The following CUX2 variants were observed in gnomAD, a reference collection of about 807,000 sequenced individuals.
The protein encoded by CUX2 is cut like homeobox 2, also known as homeobox protein cut-like 2.
In CUX2, 40 loss-of-function variants were observed where a neutral mutation model predicts 144.8. The observed-to-expected ratio is 0.28, with a 90% CI of 0.21 to 0.36. CUX2 has a LOEUF of 0.36. CUX2 is among the 10% of genes least tolerant of loss of function. The pLI is 1.00. For synonymous variants in CUX2, 827 were observed against 875.6 expected (o/e 0.94, Z 0.98); for missense variants, 1,615 against 1,994.0 (o/e 0.81, Z 3.62).
intron 7 of CUX2, 81 bp from the exon 8 acceptor site, chr12:111,296,392 G>T: frequency 1.1e-5 from 14 of 1,277,092 alleles, no homozygotes; most frequent in Non-Finnish European, 1.4e-5. Flanking sequence ...CTTCGCAGAA[G>T]GAGTGGGCTC....
chr12:111,348,142 C>A lies in CUX2; in HGVS notation c.4278C>A (p.Gly1426=). The change falls in exon 22 of 22, where the codon GGC becomes GGA. Residue 1426 remains glycine, a synonymous_variant. Coordinates refer to ENST00000261726, the MANE Select transcript of CUX2 (RefSeq NM_015267.4). ...CTCCCATCTCCCCATCCCCACCTGG[C>A]GCCCCCCCTGCCAAAGTGCCGAGTG... ...SSAPISPSPP[G]APPAKVPSAS... is the part of the protein sequence containing the mutation. The A allele has an allele frequency of 6.2e-7, 1 of 1,614,068 alleles. No homozygotes were observed. The highest frequency in any genetic ancestry group is 1.1e-5 in the South Asian group (1 of 91,078).
chr12:111,036,703 G>A (rs958951402), intron 1 of CUX2, among the ~76,000 whole-genome samples: 2 of 146,880 alleles, frequency 1.4e-5, no homozygotes, highest in African/African-American at 2.5e-5. Context: ...GGGAAGGGGG[G>A]TAAACTCATT....
chr12:111,142,727 G>A (rs972857111), intron 1 of CUX2, among the ~76,000 whole-genome samples: 1 of 152,162 alleles, frequency 6.6e-6, no homozygotes, highest in Non-Finnish European at 1.5e-5. Context: ...CTCCCGGCTT[G>A]TAATTTGCTG....
chr12:111,269,192 G>C (rs994834461), intron 4 of CUX2, among the ~76,000 whole-genome samples: 1 of 152,158 alleles, frequency 6.6e-6, no homozygotes, highest in Non-Finnish European at 1.5e-5. Flanking sequence ...TATGTGTCCA[G>C]CTTTCCTAGG....
chr12:111,067,452 G>T (rs1871068002), intron 1 of CUX2, among the ~76,000 whole-genome samples: 1 of 152,194 alleles, frequency 6.6e-6, no homozygotes, highest in Admixed American at 6.5e-5. Flanking sequence ...GAGGCTAAGA[G>T]ACAGAGTCCT....
chr12:111,270,772 T>G (rs993099883), intron 4 of CUX2: 2 of 152,194 alleles, frequency 1.3e-5, no homozygotes, highest in Admixed American at 6.5e-5. Flanking sequence ...ACAAATCTGA[T>G]GCAGATTTGC....
chr12:111,251,487 C>T (rs1446014706), intron 3 of CUX2, among the ~76,000 whole-genome samples: 1 of 152,276 alleles, frequency 6.6e-6, no homozygotes, highest in East Asian at 1.9e-4. Flanking sequence ...TAATAGCAGG[C>T]CTGCCAGCCA....
In CUX2 at chr12:111,044,481, T is replaced by C. The variant is rs11837043; in HGVS notation, c.63+10241T>C. 6.9e-3 allele frequency among the ~76,000 whole-genome samples: 1,057 copies of C among 152,212 alleles called. 12 individuals are homozygous for C. Among genetic ancestry groups the C allele is most frequent in the African/African-American group, 0.024 (991 of 41,530 alleles). On this transcript the variant is annotated intron_variant, in intron 1 of 21. Transcript: ENST00000261726. The stretch of plus-strand genomic sequence containing the variant: ...AGCTTCAGGGTTTTGGCACTTACTG[T>C]TCCCTCTCTCTGAGACAATTTCCAA...
rs373434399 is a variant in CUX2 at position 111,034,279 on chromosome 12, C to A, written c.63+39C>A. On this transcript the variant is annotated intron_variant, in intron 1 of 21. Transcript: ENST00000261726. This position sits in a 1 kb window ranked among gnomAD's most constrained non-coding sequence, Gnocchi z 4.2. ...GCGCCGGCCGCGCGGCCGTGAGGAG[C>A]CCCCGGGCGCGCCCTGGGCGCATTG... The A allele has an allele frequency of 1.6e-6, 2 of 1,270,764 alleles. No individual in the cohort carries two copies. The highest frequency in any genetic ancestry group is 1.4e-5 in the South Asian group (1 of 71,964). 78.7% of individuals were successfully genotyped at this position (1,270,764 alleles called of 1,614,324 possible).
chr12:111,209,943 G>A (rs901078541), intron 1 of CUX2, among the ~76,000 whole-genome samples: 2 of 151,940 alleles, frequency 1.3e-5, no homozygotes, highest in African/African-American at 2.4e-5. Flanking sequence ...GCCGGGCTCC[G>A]GGCTGTCTGT....
chr12:111,152,164 G>A (rs1361470595), intron 1 of CUX2, among the ~76,000 whole-genome samples: 2 of 152,044 alleles, frequency 1.3e-5, no homozygotes, highest in Non-Finnish European at 2.9e-5. Context: ...CATGCCTGTA[G>A]TTCCAGCTAC....
intron 1 of CUX2, among the ~76,000 whole-genome samples, chr12:111,187,706 T>C (rs1414975161): frequency 1.3e-5 from 2 of 152,212 alleles, no homozygotes; most frequent in African/African-American, 2.4e-5. Context: ...GAGTGGCATC[T>C]GTCCATGCAG....
rs533126492 is a variant in CUX2 at position 111,209,258 on chromosome 12, G to A, written c.64-4942G>A. Among the ~76,000 whole-genome samples the A allele has an allele frequency of 4.6e-3, 694 of 152,274 alleles. 3 individuals are homozygous for A. The highest frequency in any genetic ancestry group is 6.4e-3 in the Non-Finnish European group (438 of 68,018). On this transcript the variant is annotated intron_variant, in intron 1 of 21. Transcript: ENST00000261726. Reference sequence around the variant, plus strand: ...TACAAAAAATAAAAACTAGCCTGGCGTGGTAGCACATGCCTGTAGTCCCAG... The same window carrying A: ...TACAAAAAATAAAAACTAGCCTGGCATGGTAGCACATGCCTGTAGTCCCAG...
chr12:111,143,807 G>A (rs1876489258), intron 1 of CUX2, among the ~76,000 whole-genome samples: 1 of 152,202 alleles, frequency 6.6e-6, no homozygotes, highest in South Asian at 2.1e-4. Context: ...GGTGTGTGGG[G>A]GGGTTTTTTT....
intron 4 of CUX2, among the ~76,000 whole-genome samples, chr12:111,283,003 A>G (rs1220839359): frequency 1.3e-5 from 2 of 152,052 alleles, no homozygotes; most frequent in Non-Finnish European, 2.9e-5. Flanking sequence ...ACTTGAGGTC[A>G]GGAGTTAGAC....
Position 111,347,558 on chromosome 12 carries a change from A to C in CUX2, c.3694A>C (p.Thr1232Pro). Reference sequence around the variant, plus strand: ...GCGCCGGGAGATGTTGGTGGAGGGGACCCAGGATGAGCCAGACCTTGATCC... The same window carrying C: ...GCGCCGGGAGATGTTGGTGGAGGGGCCCCAGGATGAGCCAGACCTTGATCC... ...RMRREMLVEGTQDEPDLDPSG... is the reference protein window; with the variant it reads ...RMRREMLVEGPQDEPDLDPSG... Residue 1232 changes from threonine (T) to proline (P), a missense_variant, in exon 22 of 22, where the codon ACC becomes CCC. Transcript: ENST00000261726. The C allele has an allele frequency of 6.2e-7, 1 of 1,609,070 alleles. No homozygotes were observed. The highest frequency in any genetic ancestry group is 8.5e-7 in the Non-Finnish European group (1 of 1,178,106).
chr12:111,274,178 C>T (rs764456206), intron 4 of CUX2, among the ~76,000 whole-genome samples: 23 of 152,188 alleles, frequency 1.5e-4, no homozygotes, highest in Non-Finnish European at 3.1e-4. Context: ...GATCTACCCA[C>T]CTCGGCCTCC....
chr12:111,084,138 G>T (rs1872060142), intron 1 of CUX2, among the ~76,000 whole-genome samples: 1 of 152,220 alleles, frequency 6.6e-6, no homozygotes, highest in Non-Finnish European at 1.5e-5. Context: ...GCCCTGACTT[G>T]TCTTACTCCT....
At chr12:111,104,049 A>C (rs2136072914) in intron 1 of CUX2, among the ~76,000 whole-genome samples, 1 of 152,238 alleles carries the variant, frequency 6.6e-6, no homozygotes, top group Non-Finnish European at 1.5e-5. Context: ...ACCTAAACCT[A>C]ACCTATTTGT....
Sources: gnomAD v4.1 joint callset for allele counts (sites outside exome capture counted in the v4.1 genomes callset) on GRCh38, gnomAD v4.1.1 for gene constraint, Gnocchi (gnomAD v3.1) non-coding constraint, MANE v1.5 for transcripts, NCBI Gene and HGNC (gene_info 2026-07-23, HGNC 2026-07-21) for gene names.